The following MTMR4 variants were observed in gnomAD, a reference collection of about 807,000 sequenced individuals.
MTMR4 encodes the protein phosphatidylinositol-3,5-bisphosphate 3-phosphatase MTMR4.
A neutral mutation model predicts 125.5 loss-of-function variants in MTMR4; 30 were observed. That is an observed-to-expected ratio of 0.24 (90% CI 0.18 to 0.32). The LOEUF (loss-of-function observed/expected upper bound fraction) is 0.32. Ranked by LOEUF, MTMR4 falls within the 10% of genes least tolerant of loss-of-function variation. The pLI is 1.00. For missense variants in MTMR4, 1,039 were observed against 1,511.5 expected, an observed-to-expected ratio of 0.69 and a Z score of 5.18; for synonymous variants, 498 against 564.5, an observed-to-expected ratio of 0.88 and a Z score of 1.67.
Position 58,491,240 on chromosome 17 carries a change from C to G in MTMR4, c.*423G>C, listed in dbSNP as rs1975305515. On this transcript the variant is annotated 3_prime_UTR_variant, in exon 18 of 18. Coordinates refer to ENST00000682306, the MANE Select transcript of MTMR4 (RefSeq NM_001378067.1). ...TCTCAAATAGGACAGGAATTCCTAC[C>G]TTGTATACTATAATCTGCTTTTGTC... 1 of 155,326 alleles carries G rather than the reference C, an allele frequency of 6.4e-6. No individual in the cohort carries two copies. Among genetic ancestry groups the G allele is most frequent in the Non-Finnish European group, 1.4e-5 (1 of 69,780 alleles). The allele number at this position is 155,326 out of a possible 1,614,324, so 9.6% of individuals were successfully genotyped here. A position where few individuals can be genotyped will look rare whatever the true frequency, so the allele number is the denominator to read the frequency against.
rs1275564391 is a variant in MTMR4 at position 58,514,418 on chromosome 17, G to A, written c.-11C>T. ...GGCGGTCAGGCTCATGGTCGCGGGC[G>A]GTCTGGGCCAGCGCACATGTCCCCG... On this transcript the variant is annotated 5_prime_UTR_variant, in exon 1 of 18. Coordinates refer to ENST00000682306, the MANE Select transcript of MTMR4 (RefSeq NM_001378067.1). 12 of 986,062 alleles carry A rather than the reference G, an allele frequency of 1.2e-5. No homozygotes were observed. Among genetic ancestry groups the A allele is most frequent in the African/African-American group, 3.5e-5 (2 of 57,224 alleles). 61.1% of individuals were successfully genotyped at this position (986,062 alleles called of 1,614,324 possible).
intron 14 of MTMR4, among the ~76,000 whole-genome samples, chr17:58,500,747 CAA>C (rs60355286): frequency 2.5e-3 from 230 of 92,190 alleles, no homozygotes; most frequent in African/African-American, 7.8e-3. Flanking sequence ...GATTCTGTCT[CAA>C]AAAAAAAAAA....
At chr17:58,518,190 T>C (rs1261956975), upstream of MTMR4, among the ~76,000 whole-genome samples, 4 of 152,242 alleles carry the variant, frequency 2.6e-5, no homozygotes, top group South Asian at 2.1e-4. Flanking sequence ...AAGAGGGGGC[T>C]GCTGGCCACT....
intron 16 of MTMR4, 70 bp downstream of exon 16, chr17:58,492,772 A>T: frequency 2.8e-6 from 4 of 1,450,936 alleles, no homozygotes; most frequent in Non-Finnish European, 3.9e-6. Context: ...ACAGCATGTC[A>T]TTCATCTCTG....
intron 3 of MTMR4, 67 bp from the exon 4 acceptor site, chr17:58,511,578 C>T (rs910506210): frequency 6.0e-6 from 8 of 1,328,890 alleles, no homozygotes; most frequent in African/African-American, 1.5e-5. Context: ...CTCACCCTAG[C>T]GTAGGCACTA....
At chr17:58,492,757 A>T (rs1315947433) in intron 16 of MTMR4, 85 bp downstream of exon 16, 1 of 1,379,838 alleles carries the variant, frequency 7.2e-7, no homozygotes, top group Non-Finnish European at 1.0e-6. Flanking sequence ...GGGACAGCTC[A>T]GTCTACAGCA....
chr17:58,508,969 T>A lies in MTMR4; in HGVS notation c.336-128A>T. On this transcript the variant is annotated intron_variant, in intron 4 of 17. Coordinates refer to ENST00000682306, the MANE Select transcript of MTMR4 (RefSeq NM_001378067.1). The surrounding 1 kb of genome is among the most constrained non-coding windows in gnomAD (Gnocchi z 4.8). ...GGCTGCAAAGCAAGAGGTAAAGCAG[T>A]GGGGACCCAGGGTGGGGGGACGAGG... 1.9e-6 allele frequency: 2 copies of A among 1,045,306 alleles called. No individual in the cohort carries two copies. The highest frequency in any genetic ancestry group is 2.7e-6 in the Non-Finnish European group (2 of 728,416). The allele number at this position is 1,045,306 out of a possible 1,614,324, so 64.8% of individuals were successfully genotyped here. A position where few individuals can be genotyped will look rare whatever the true frequency, so the allele number is the denominator to read the frequency against.
At chr17:58,496,381 A>G in intron 14 of MTMR4, 51 bp from the exon 15 acceptor site, 1 of 1,443,712 alleles carries the variant, frequency 6.9e-7, no homozygotes, top group Non-Finnish European at 9.4e-7. Context: ...CACTTGCAAT[A>G]CAATATATGG....
At chr17:58,499,723 T>C (rs865881387) in intron 14 of MTMR4, among the ~76,000 whole-genome samples, 1 of 151,332 alleles carries the variant, frequency 6.6e-6, no homozygotes, top group South Asian at 2.1e-4. Flanking sequence ...CCCAGGTTCA[T>C]ACCATTCTCC....
At chr17:58,500,747 CAAAAAA>C (rs60355286) in intron 14 of MTMR4, among the ~76,000 whole-genome samples, 2 of 92,182 alleles carry the variant, frequency 2.2e-5, no homozygotes, top group Non-Finnish European at 4.2e-5. Flanking sequence ...GATTCTGTCT[CAAAAAA>C]AAAAAAAAAA....
intron 9 of MTMR4, among the ~76,000 whole-genome samples, chr17:58,505,843 G>A (rs1188397350): frequency 6.6e-6 from 1 of 152,210 alleles, no homozygotes; most frequent in Non-Finnish European, 1.5e-5. Context: ...GGGAGATGGA[G>A]GTTGCAGTGA....
chr17:58,505,711 C>G lies in MTMR4; in HGVS notation c.1034-128G>C, dbSNP rs1421432179. ...TCACCTGAGGTCAGGAGTTCAAGAA[C>G]AGCCTGACTAACACAGTGAAACCCC... On this transcript the variant is annotated intron_variant, in intron 9 of 17. Transcript: ENST00000682306. 3 of 527,700 alleles carry G rather than the reference C, an allele frequency of 5.7e-6. No individual in the cohort carries two copies. In the African/African-American group the frequency reaches 5.7e-5, roughly 10 times the overall value. The allele number at this position is 527,700 out of a possible 1,614,324, so 32.7% of individuals were successfully genotyped here.
upstream of MTMR4, among the ~76,000 whole-genome samples, chr17:58,518,180 AAG>A (rs1243680926): frequency 6.6e-6 from 1 of 152,242 alleles, no homozygotes; most frequent in Non-Finnish European, 1.5e-5. Flanking sequence ...GAGAGCAGTA[AAG>A]AGGGGGCTGC....
At chr17:58,501,861 C>G (rs1050526132) in intron 14 of MTMR4, among the ~76,000 whole-genome samples, 4 of 151,738 alleles carry the variant, frequency 2.6e-5, no homozygotes, top group Admixed American at 2.6e-4. Context: ...GAGTTCAAGA[C>G]CAGTGTGACC....
At position 58,495,656 on chromosome 17, in the gene MTMR4, C is replaced by T. The variant is rs1436428825; in HGVS notation, c.2528G>A (p.Ser843Asn). 1 of 1,614,016 alleles carries T rather than the reference C, an allele frequency of 6.2e-7. No individual in the cohort carries two copies. The highest frequency in any genetic ancestry group is 8.5e-7 in the Non-Finnish European group (1 of 1,180,026). ...GGGATCTTGGTTGAGGAAGTCAGTG[C>T]TTGGGTCTAGAGGAGTTTGGCAGGC... ...SAACQTPLDP[S>N]TDFLNQDPSG... The change falls in exon 15 of 18, where the codon AGC (serine) becomes AAC (asparagine). Residue 843 changes from serine (S) to asparagine (N), a missense_variant. Around this residue, in one of 6 missense-constraint regions of MTMR4, gnomAD observed 619 missense variants for 714.5 expected, o/e 0.87. Transcript: ENST00000682306.
Position 58,491,750 on chromosome 17 carries a change from G to A in MTMR4, c.3543C>T (p.Asn1181=), listed in dbSNP as rs1481106565. The part of the protein sequence containing the change: ...QQLYDPVLVC[N]SCYEHIQVSR... The stretch of plus-strand genomic sequence containing the variant: ...AGACTTGAATGTGTTCGTAACATGA[G>A]TTACAGACGAGAACTGGGTCATAGA... Residue 1181 remains asparagine (N), a synonymous_variant, in exon 18 of 18, where the codon AAC becomes AAT. Coordinates refer to ENST00000682306, the MANE Select transcript of MTMR4 (RefSeq NM_001378067.1). The A allele has an allele frequency of 1.2e-6, 2 of 1,614,076 alleles. No individual in the cohort carries two copies. Among genetic ancestry groups the A allele is most frequent in the African/African-American group, 1.3e-5 (1 of 74,944 alleles).
At chr17:58,518,696 C>T (rs905192286), upstream of MTMR4, among the ~76,000 whole-genome samples, 4 of 152,356 alleles carry the variant, frequency 2.6e-5, no homozygotes, top group South Asian at 2.1e-4. Context: ...CTCCCAAGGA[C>T]CCGGCTTATC....
At position 58,511,591 on chromosome 17, in the gene MTMR4, G is replaced by A; in HGVS notation, c.253-80C>T. ...CCCTCACCCTAGCGTAGGCACTAAT[G>A]TATCAATAGCAGGAAGGAAACCAAC... On this transcript the variant is annotated intron_variant, in intron 3 of 17. Transcript: ENST00000682306. The A allele has an allele frequency of 2.5e-6, 3 of 1,194,680 alleles. No homozygotes were observed. In the Admixed American group the frequency reaches 5.8e-5, roughly 23 times the overall value. 74.0% of individuals were successfully genotyped at this position (1,194,680 alleles called of 1,614,324 possible). A position where few individuals can be genotyped will look rare whatever the true frequency, so the allele number is the denominator to read the frequency against.
At position 58,506,855 on chromosome 17, in the gene MTMR4, C is replaced by G; in HGVS notation, c.921G>C (p.Ala307=). Residue 307 remains alanine (A), a synonymous_variant, in exon 9 of 18, where the codon GCG becomes GCC. Transcript: ENST00000682306. The part of the protein sequence containing the change: ...CDADFDSSLT[A]CSGVESTAAP... Reference sequence around the variant, plus strand: ...CTGCTGTGCTCTCCACTCCAGAGCACGCAGTCAGAGAAGAATCTAAACACA... The same window carrying G: ...CTGCTGTGCTCTCCACTCCAGAGCAGGCAGTCAGAGAAGAATCTAAACACA... 6.2e-7 allele frequency: 1 copy of G among 1,612,632 alleles called. No homozygotes were observed.
Sources: gnomAD v4.1 joint callset for allele counts (sites outside exome capture counted in the v4.1 genomes callset) on GRCh38, gnomAD v4.1.1 for gene constraint, gnomAD v4.1.1 regional missense constraint, Gnocchi (gnomAD v3.1) non-coding constraint, MANE v1.5 for transcripts, NCBI Gene and HGNC (gene_info 2026-07-23, HGNC 2026-07-21) for gene names.